The following C19orf47 variants were observed in gnomAD, a reference collection of about 807,000 sequenced individuals.
The protein encoded by C19orf47 is chromosome 19 open reading frame 47, also known as uncharacterized protein C19orf47.
C19orf47 carries 18 observed loss-of-function variants against 32.3 expected under a neutral mutation model. The ratio of observed to expected loss-of-function variants is 0.56; its 90% CI spans 0.39 to 0.83. The LOEUF (loss-of-function observed/expected upper bound fraction) is 0.83, where lower values mean the gene tolerates loss of function less well. Ranked by LOEUF, C19orf47 falls within the 40% of genes least tolerant of loss-of-function variation. C19orf47 has a pLI of 0.00. For missense variants in C19orf47, 484 were observed against 531.6 expected, an observed-to-expected ratio of 0.91 and a Z score of 0.88; for synonymous variants, 202 against 211.1, an observed-to-expected ratio of 0.96 and a Z score of 0.37.
chr19:40,322,985 T>C (rs2077752962), intron 8 of C19orf47, among the ~76,000 whole-genome samples: 1 of 152,218 alleles, frequency 6.6e-6, no homozygotes, highest in Admixed American at 6.5e-5. Flanking sequence ...GAACTTTCCC[T>C]GAGGCACCAA....
At chr19:40,316,563 T>C (rs1568597585), downstream of C19orf47, among the ~76,000 whole-genome samples, 1 of 152,170 alleles carries the variant, frequency 6.6e-6, no homozygotes, top group Non-Finnish European at 1.5e-5. Flanking sequence ...TAGTCAACGT[T>C]AGCTCTCAGC....
intron 1 of C19orf47, among the ~76,000 whole-genome samples, chr19:40,347,515 A>G (rs1336666663): frequency 6.6e-6 from 1 of 152,078 alleles, no homozygotes; most frequent in African/African-American, 2.4e-5. Context: ...CTGGGCAACA[A>G]GAGCGAAACT....
the C19orf47 span, among the ~76,000 whole-genome samples, chr19:40,301,575 C>T: frequency 6.6e-6 from 1 of 151,646 alleles, no homozygotes; most frequent in Non-Finnish European, 1.5e-5. Flanking sequence ...CTCCTGACCT[C>T]GTGATCCACC....
At chr19:40,325,721 C>T (rs1236493213) in intron 7 of C19orf47, among the ~76,000 whole-genome samples, 1 of 152,146 alleles carries the variant, frequency 6.6e-6, no homozygotes, top group East Asian at 1.9e-4. Context: ...TAACAAGAGA[C>T]GGGGATATGG....
chr19:40,322,307 T>A lies in C19orf47; in HGVS notation c.733A>T (p.Asn245Tyr). Residue 245 changes from asparagine (N) to tyrosine (Y), a missense_variant, in exon 9 of 9, where the codon AAT becomes TAT. By Grantham distance (143) the Asn-to-Tyr change is moderately radical. Coordinates refer to ENST00000683109, the MANE Select transcript of C19orf47 (RefSeq NM_001256441.2). ...TDEDLAWDSD[N>Y]DSSSSVLQYA... ...TGCAAGACAGAGCTGCTGCTGTCAT[T>A]GTCGCTGTCCCAAGCCAGATCCTCG... 6.2e-7 allele frequency: 1 copy of A among 1,608,660 alleles called. No individual in the cohort carries two copies. The highest frequency in any genetic ancestry group is 1.3e-5 in the African/African-American group (1 of 75,054).
At chr19:40,300,242 G>A in the C19orf47 span, among the ~76,000 whole-genome samples, 307 of 151,984 alleles carry the variant, frequency 2.0e-3, 1 homozygote, top group African/African-American at 7.1e-3. Context: ...CAGGGCAGGT[G>A]GATCACGAGG....
At chr19:40,333,764 C>G in intron 5 of C19orf47, 87 bp downstream of exon 5, 2 of 1,104,284 alleles carry the variant, frequency 1.8e-6, no homozygotes, top group Non-Finnish European at 2.5e-6. Flanking sequence ...TTGAAAATTA[C>G]AGGCGGGGAT....
chr19:40,300,918 C>T, the C19orf47 span, among the ~76,000 whole-genome samples: 2 of 152,206 alleles, frequency 1.3e-5, no homozygotes, highest in African/African-American at 4.8e-5. Flanking sequence ...TTGAGAGGCC[C>T]AGGCAGGCGG....
chr19:40,293,108 A>C, the C19orf47 span, among the ~76,000 whole-genome samples: 1 of 150,592 alleles, frequency 6.6e-6, no homozygotes, highest in African/African-American at 2.4e-5. Context: ...TTTAAATCTC[A>C]TATTTTGTGG....
chr19:40,321,569 T>G lies in C19orf47; in HGVS notation c.*313A>C. ...ACCCTGCTCAGGGGAAGAAGGGGAATGTAGGAGAGGAAGAAGCCCCCTGGC... is the reference window on the plus strand; with the variant it reads ...ACCCTGCTCAGGGGAAGAAGGGGAAGGTAGGAGAGGAAGAAGCCCCCTGGC... On this transcript the variant is annotated 3_prime_UTR_variant, in exon 9 of 9. Transcript: ENST00000683109. 5 of 1,123,326 alleles carry G rather than the reference T, an allele frequency of 4.5e-6. No homozygotes were observed. Among genetic ancestry groups the G allele is most frequent in the Non-Finnish European group, 4.4e-6 (4 of 915,626 alleles). 69.6% of individuals were successfully genotyped at this position (1,123,326 alleles called of 1,614,324 possible). A position where few individuals can be genotyped will look rare whatever the true frequency, so the allele number is the denominator to read the frequency against.
Position 40,344,335 on chromosome 19 carries a change from C to T in C19orf47, c.-33-2445G>A, listed in dbSNP as rs536970414. Among the ~76,000 whole-genome samples, 25 of 151,614 alleles carry T rather than the reference C, an allele frequency of 1.6e-4. No homozygotes were observed. The East Asian group carries it at 3.8e-3, about 23-fold the overall frequency. On this transcript the variant is annotated intron_variant, in intron 1 of 8. Coordinates refer to ENST00000683109, the MANE Select transcript of C19orf47 (RefSeq NM_001256441.2). ...CTCTACTAAAAATACAAAAATTAGTCGGGCATGGTGGTGGGCGCCTGTAAT... is the reference window on the plus strand; with the variant it reads ...CTCTACTAAAAATACAAAAATTAGTTGGGCATGGTGGTGGGCGCCTGTAAT...
chr19:40,336,255 G>C, intron 3 of C19orf47, 31 bp from the exon 4 acceptor site: 1 of 1,613,524 alleles, frequency 6.2e-7, no homozygotes, highest in South Asian at 1.1e-5. Flanking sequence ...TGAGGCCCCA[G>C]GTGGGCCAGA....
At chr19:40,304,785 G>A in the C19orf47 span, among the ~76,000 whole-genome samples, 51 of 152,240 alleles carry the variant, frequency 3.3e-4, no homozygotes, top group African/African-American at 1.1e-3. Context: ...GAACCTAGAA[G>A]GGTACAGGGA....
At chr19:40,331,618 ACAGAGT>A (rs2077955446) in intron 5 of C19orf47, among the ~76,000 whole-genome samples, 1 of 61,036 alleles carries the variant, frequency 1.6e-5, no homozygotes, top group South Asian at 1.3e-3. Flanking sequence ...AGCCTGGGCA[ACAGAGT>A]GAGACTCCCA....
chr19:40,313,860 C>G, the C19orf47 span, among the ~76,000 whole-genome samples: 1 of 151,116 alleles, frequency 6.6e-6, no homozygotes. Context: ...CCCAGCTACT[C>G]GGGAGGCAGA....
Position 40,346,611 on chromosome 19 carries a change from C to G in C19orf47, c.-34+1713G>C, listed in dbSNP as rs958531419. ...GCGTGATCTCGTCTCACTGCAACCT[C>G]TGCCTCCCAGGTTCAAGCAATTATC... On this transcript the variant is annotated intron_variant, in intron 1 of 8. Coordinates refer to ENST00000683109, the MANE Select transcript of C19orf47 (RefSeq NM_001256441.2). Among the ~76,000 whole-genome samples the G allele has an allele frequency of 2.0e-5, 3 of 149,588 alleles. No homozygotes were observed. In the East Asian group the frequency reaches 6.0e-4, roughly 30 times the overall value.
chr19:40,338,293 AT>A (rs1462060816), intron 2 of C19orf47, among the ~76,000 whole-genome samples: 3 of 133,630 alleles, frequency 2.2e-5, no homozygotes, highest in African/African-American at 5.1e-5. Flanking sequence ...ACACACACAA[AT>A]ATATATATAT....
intron 4 of C19orf47, among the ~76,000 whole-genome samples, chr19:40,335,872 G>A (rs2078054296): frequency 6.6e-6 from 1 of 152,214 alleles, no homozygotes; most frequent in Non-Finnish European, 1.5e-5. Flanking sequence ...GCCTCCCAAA[G>A]TGCTGAGATT....
rs1211767045 is a variant in C19orf47, at chr19:40,322,147, G to A, written c.893C>T (p.Ser298Phe). 1.2e-6 allele frequency: 2 copies of A among 1,613,832 alleles called. No individual in the cohort carries two copies. The highest frequency in any genetic ancestry group is 2.2e-5 in the South Asian group (2 of 91,080). The part of the protein sequence containing the change: ...AAPTLRRLAL[S>F]SRSGLERKPE... ...CTTCCTCTCAAGCCCAGACCGTGAGGAAAGCGCCAGGCGCCGCAGTGTCGG... is the reference window on the plus strand; with the variant it reads ...CTTCCTCTCAAGCCCAGACCGTGAGAAAAGCGCCAGGCGCCGCAGTGTCGG... Residue 298 changes from serine (S) to phenylalanine (F), a missense_variant, in exon 9 of 9, where the codon TCC (serine) becomes TTC (phenylalanine). Ser to Phe is a radical substitution (Grantham distance 155, BLOSUM62 -2). Transcript: ENST00000683109.
Sources: allele counts gnomAD v4.1 joint callset (sites outside exome capture counted in the v4.1 genomes callset), GRCh38; gene constraint gnomAD v4.1.1; transcripts MANE v1.5; gene names NCBI Gene and HGNC (gene_info 2026-07-23, HGNC 2026-07-21).